The following LCMT1 variants were observed in gnomAD, a reference collection of about 807,000 sequenced individuals.
LCMT1 encodes leucine carboxyl methyltransferase 1.
LCMT1 carries 32 observed loss-of-function variants against 47.7 expected under a neutral mutation model. The ratio of observed to expected loss-of-function variants is 0.67; its 90% CI spans 0.51 to 0.90. The LOEUF (loss-of-function observed/expected upper bound fraction) is 0.90, where lower values mean the gene tolerates loss of function less well. Among genes scored for constraint, LCMT1 ranks in the 40% least tolerant of loss-of-function variants. The pLI, the probability that LCMT1 is intolerant of heterozygous loss-of-function variation, is 0.00. For synonymous variants in LCMT1, 152 were observed against 149.7 expected, an observed-to-expected ratio of 1.02 and a Z score of -0.11; for missense variants, 375 against 415.2, an observed-to-expected ratio of 0.90 and a Z score of 0.84.
At chr16:25,114,609 A>C (rs1406233544) in intron 1 of LCMT1, among the ~76,000 whole-genome samples, 1 of 151,950 alleles carries the variant, frequency 6.6e-6, no homozygotes, top group Non-Finnish European at 1.5e-5. Flanking sequence ...CCATCCCACC[A>C]ACCCCTCACT....
At chr16:25,121,647 A>G (rs1318967257) in intron 1 of LCMT1, among the ~76,000 whole-genome samples, 1 of 152,068 alleles carries the variant, frequency 6.6e-6, no homozygotes, top group Non-Finnish European at 1.5e-5. Context: ...GGCAAAGGAG[A>G]AGCAAGTACC....
intron 1 of LCMT1, among the ~76,000 whole-genome samples, chr16:25,121,243 C>T (rs1157772349): frequency 4.6e-5 from 7 of 151,848 alleles, no homozygotes; most frequent in Non-Finnish European, 7.4e-5. Context: ...AACCCCGTCT[C>T]TACTAAAAAT....
At chr16:25,143,233 A>C (rs1359539375) in intron 4 of LCMT1, 1 of 152,220 alleles carries the variant, frequency 6.6e-6, no homozygotes, top group Non-Finnish European at 1.5e-5. Flanking sequence ...TCATCTGAGA[A>C]GAACTAAGTC....
intron 4 of LCMT1, 69 bp from the exon 5 acceptor site, chr16:25,151,485 T>C: frequency 7.7e-7 from 1 of 1,302,906 alleles, no homozygotes; most frequent in Non-Finnish European, 1.1e-6. Flanking sequence ...ATTTGTGCAG[T>C]AAATGAGCTC....
At chr16:25,155,397 A>AG (rs59012306) in intron 5 of LCMT1, among the ~76,000 whole-genome samples, 1 of 151,992 alleles carries the variant, frequency 6.6e-6, no homozygotes, top group African/African-American at 2.4e-5. Context: ...TAAAAAAAAA[A>AG]CTAGCTGGGC....
Position 25,175,034 on chromosome 16 carries a change from G to A in LCMT1, c.982G>A (p.Gly328Arg). 1 of 1,581,904 alleles carries A rather than the reference G, an allele frequency of 6.3e-7. No individual in the cohort carries two copies. Among genetic ancestry groups the A allele is most frequent in the Non-Finnish European group, 8.7e-7 (1 of 1,152,602 alleles). ...CWATKGGNEL[G>R]LKEITY ...GGCAACCAAAGGAGGAAATGAGCTTGGTGCGTGATTGTACTTTTCTTGCCT... is the reference window on the plus strand; with the variant it reads ...GGCAACCAAAGGAGGAAATGAGCTTAGTGCGTGATTGTACTTTTCTTGCCT... Residue 328 changes from glycine (G) to arginine (R), a missense_variant and splice_region_variant, in exon 10 of 11, where the codon GGG becomes AGG. Gly to Arg is a moderately radical substitution (Grantham distance 125, BLOSUM62 -2). Coordinates refer to ENST00000399069, the MANE Select transcript of LCMT1 (RefSeq NM_016309.3).
intron 5 of LCMT1, among the ~76,000 whole-genome samples, chr16:25,154,010 T>C (rs994774634): frequency 6.6e-6 from 1 of 152,030 alleles, no homozygotes; most frequent in Admixed American, 6.6e-5. Flanking sequence ...CTATTATTTT[T>C]ATTTTATTTT....
At chr16:25,169,948 G>A (rs1461277766) in intron 8 of LCMT1, among the ~76,000 whole-genome samples, 2 of 152,014 alleles carry the variant, frequency 1.3e-5, no homozygotes, top group African/African-American at 2.4e-5. Flanking sequence ...GGGCGGGCGC[G>A]GTGGCTCACA....
rs757127493 is a variant in LCMT1 at position 25,132,436 on chromosome 16, T to A, written c.240T>A (p.Leu80=). The A allele has an allele frequency of 6.2e-6, 10 of 1,613,718 alleles. No homozygotes were observed. Among genetic ancestry groups the A allele is most frequent in the Non-Finnish European group, 7.6e-6 (9 of 1,179,854 alleles). Residue 80 remains leucine (L), a synonymous_variant, in exon 3 of 11, where the codon CTT becomes CTA. Transcript: ENST00000399069. ...YFARVHGVSQ[L]IKAFLRKTEC... Reference sequence around the variant, plus strand: ...CTCGAGTCCATGGTGTCAGTCAGCTTATAAAGGCATTTCTACGGAAGACAG... The same window carrying A: ...CTCGAGTCCATGGTGTCAGTCAGCTAATAAAGGCATTTCTACGGAAGACAG...
At chr16:25,150,505 T>G (rs1961047716) in intron 4 of LCMT1, among the ~76,000 whole-genome samples, 1 of 151,904 alleles carries the variant, frequency 6.6e-6, no homozygotes, top group Non-Finnish European at 1.5e-5. Flanking sequence ...CCACCATGCC[T>G]GGCTAATTTT....
chr16:25,155,255 C>G (rs966199001), intron 5 of LCMT1, among the ~76,000 whole-genome samples: 2 of 151,758 alleles, frequency 1.3e-5, no homozygotes, highest in African/African-American at 2.4e-5. Flanking sequence ...AATGGGCACA[C>G]AATGAAAAGT....
chr16:25,147,088 A>G (rs1165560244), intron 4 of LCMT1: 2 of 152,218 alleles, frequency 1.3e-5, no homozygotes, highest in South Asian at 2.1e-4. Context: ...CAGTACTGCA[A>G]AGTGACCATA....
intron 1 of LCMT1, among the ~76,000 whole-genome samples, chr16:25,122,061 G>A (rs1224842911): frequency 6.6e-6 from 1 of 152,182 alleles, no homozygotes; most frequent in Non-Finnish European, 1.5e-5. Context: ...ATTTTCTTGT[G>A]AAATAGATTC....
At chr16:25,162,324 C>T (rs1367587871) in intron 6 of LCMT1, among the ~76,000 whole-genome samples, 1 of 151,870 alleles carries the variant, frequency 6.6e-6, no homozygotes, top group African/African-American at 2.4e-5. Flanking sequence ...CGTGGTGCCT[C>T]ATGCCTGTAA....
Position 25,114,737 on chromosome 16 carries a change from T to G in LCMT1, c.113+2741T>G, listed in dbSNP as rs118120156. Reference sequence around the variant, plus strand: ...TGACCTTTCCTCAGGGATATCCTGTTCTTGAAGCCCTCTCCCGTGGCTCCT... The same window carrying G: ...TGACCTTTCCTCAGGGATATCCTGTGCTTGAAGCCCTCTCCCGTGGCTCCT... On this transcript the variant is annotated intron_variant, in intron 1 of 10. Coordinates refer to ENST00000399069, the MANE Select transcript of LCMT1 (RefSeq NM_016309.3). 2.0e-5 allele frequency among the ~76,000 whole-genome samples: 3 copies of G among 152,266 alleles called. No homozygotes were observed. In the South Asian group the frequency reaches 6.2e-4, roughly 32 times the overall value.
chr16:25,124,298 A>G (rs1960090723), intron 1 of LCMT1, among the ~76,000 whole-genome samples: 1 of 152,226 alleles, frequency 6.6e-6, no homozygotes, highest in Non-Finnish European at 1.5e-5. Context: ...ATGTATACAG[A>G]CAAACACACA....
At chr16:25,125,413 A>G (rs1296999225) in intron 1 of LCMT1, among the ~76,000 whole-genome samples, 1 of 152,210 alleles carries the variant, frequency 6.6e-6, no homozygotes, top group Non-Finnish European at 1.5e-5. Flanking sequence ...GTCATTGTGT[A>G]CGCATGTGTT....
chr16:25,143,042 G>T (rs1960741390), intron 4 of LCMT1: 1 of 152,192 alleles, frequency 6.6e-6, no homozygotes, highest in South Asian at 2.1e-4. Flanking sequence ...CAAGCCTTTA[G>T]GAGGACTTGG....
intron 2 of LCMT1, 128 bp from the exon 3 acceptor site, chr16:25,132,274 G>A (rs540464970): frequency 1.7e-6 from 2 of 1,189,156 alleles, no homozygotes; most frequent in Non-Finnish European, 1.2e-6. Flanking sequence ...AGAGTCTGCA[G>A]ATTAACCTCT....
Sources: allele counts gnomAD v4.1 joint callset (sites outside exome capture counted in the v4.1 genomes callset), GRCh38; gene constraint gnomAD v4.1.1; transcripts MANE v1.5; gene names NCBI Gene and HGNC (gene_info 2026-07-23, HGNC 2026-07-21).